DNAI4: variants seen among roughly 807,000 people sequenced by gnomAD.
DNAI4 encodes the protein WD repeat domain 78.
Under a neutral mutation model 105.8 loss-of-function variants are expected in DNAI4, and 85 were observed. The observed-to-expected ratio is 0.80, with a 90% CI of 0.67 to 0.96. DNAI4 has a LOEUF of 0.96. Among genes scored for constraint, DNAI4 ranks in the 40% least tolerant of loss-of-function variants. DNAI4 has a pLI of 0.00. For synonymous variants in DNAI4, 352 were observed against 331.5 expected, an observed-to-expected ratio of 1.06 and a Z score of -0.67; for missense variants, 1,014 against 1,005.6, an observed-to-expected ratio of 1.01 and a Z score of -0.11.
intron 7 of DNAI4, among the ~76,000 whole-genome samples, chr1:66,855,178 C>A (rs1218777682): frequency 6.6e-6 from 1 of 152,192 alleles, no homozygotes; most frequent in African/African-American, 2.4e-5. Context: ...ATCTGCTAAA[C>A]CCCAGAACCC....
intron 7 of DNAI4, among the ~76,000 whole-genome samples, chr1:66,855,217 A>G (rs1646475978): frequency 6.6e-6 from 1 of 152,230 alleles, no homozygotes; most frequent in African/African-American, 2.4e-5. Context: ...AGCCAATCCT[A>G]AACTTGCCTA....
At chr1:66,818,349 A>G (rs761481855) in intron 16 of DNAI4, among the ~76,000 whole-genome samples, 146 of 152,126 alleles carry the variant, frequency 9.6e-4, no homozygotes, top group Middle Eastern at 6.8e-3. Flanking sequence ...GTCCATAAGA[A>G]AATTGAAGTA....
intron 1 of DNAI4, among the ~76,000 whole-genome samples, chr1:66,922,333 T>C (rs56707923): frequency 0.78 from 118,018 of 151,478 alleles, 46,308 homozygotes; most frequent in East Asian, 0.88. Flanking sequence ...TTGACACAGT[T>C]ACCTAAAGGA....
intron 6 of DNAI4, among the ~76,000 whole-genome samples, chr1:66,868,177 T>C (rs1646771683): frequency 6.6e-6 from 1 of 152,220 alleles, no homozygotes; most frequent in African/African-American, 2.4e-5. Flanking sequence ...CCTTGAGGGT[T>C]CAAATTTATA....
intron 9 of DNAI4, among the ~76,000 whole-genome samples, chr1:66,838,684 A>C (rs929158728): frequency 1.3e-5 from 2 of 152,200 alleles, no homozygotes; most frequent in African/African-American, 4.8e-5. Flanking sequence ...TTTCAGGCCA[A>C]CGTAATCTCT....
At position 66,822,416 on chromosome 1, in the gene DNAI4, C is replaced by T; in HGVS notation, c.2441G>A (p.Gly814Glu). Residue 814 changes from glycine (G) to glutamate (E), a missense_variant, in exon 16 of 17, where the codon GGA becomes GAA. Gly to Glu is a moderately conservative substitution (Grantham distance 98, BLOSUM62 -2). Coordinates refer to ENST00000371026, the MANE Select transcript of DNAI4 (RefSeq NM_024763.5). The stretch of plus-strand genomic sequence containing the variant: ...TCTCAGTTCATACACAGAAACCTGT[C>T]CATCACTGTCTCCTACCAGAAGGCA... ...TDCLLVGDSD[G>E]QVSVYELRNM... 4 of 1,613,414 alleles carry T rather than the reference C, an allele frequency of 2.5e-6. No homozygotes were observed. The highest frequency in any genetic ancestry group is 2.5e-6 in the Non-Finnish European group (3 of 1,179,734).
intron 1 of DNAI4, among the ~76,000 whole-genome samples, chr1:66,916,826 C>T (rs558444511): frequency 6.6e-6 from 1 of 151,316 alleles, no homozygotes; most frequent in East Asian, 1.9e-4. Context: ...TGGCTTCATG[C>T]TGTTTTAATT....
chr1:66,840,430 A>G (rs1646124648), intron 9 of DNAI4, 39 bp downstream of exon 9: 2 of 1,562,940 alleles, frequency 1.3e-6, no homozygotes, highest in Non-Finnish European at 1.8e-6. Flanking sequence ...TTTCCCTTCA[A>G]TGCTAGAAAC....
intron 4 of DNAI4, among the ~76,000 whole-genome samples, chr1:66,884,323 T>C (rs1377664405): frequency 6.6e-6 from 1 of 152,218 alleles, no homozygotes; most frequent in African/African-American, 2.4e-5. Flanking sequence ...TTCAAATCTT[T>C]TGGGTAAATA....
At chr1:66,891,031 A>C (rs1394022229) in intron 4 of DNAI4, 123 bp downstream of exon 4, 1 of 815,134 alleles carries the variant, frequency 1.2e-6, no homozygotes, top group Non-Finnish European at 2.1e-6. Flanking sequence ...TCTTGAAGCG[A>C]CTTCACAAGC....
At position 66,814,164 on chromosome 1, in the gene DNAI4, G is replaced by A; in HGVS notation, c.2513C>T (p.Thr838Ile). Residue 838 changes from threonine (T) to isoleucine (I), a missense_variant, in exon 17 of 17, where the codon ACT (threonine) becomes ATT (isoleucine). Thr to Ile is a moderately conservative substitution (Grantham distance 89, BLOSUM62 -1). Transcript: ENST00000371026. Reference protein sequence around the residue: ...LETGRGDIMDTLLGSKSNQSA With the variant: ...LETGRGDIMDILLGSKSNQSA ...TTGGTTTGACTTGGATCCAAGCAAA[G>A]TATCCATTATATCTCCCTGAAAAAA... The A allele has an allele frequency of 6.3e-7, 1 of 1,590,394 alleles. No homozygotes were observed. The highest frequency in any genetic ancestry group is 2.2e-5 in the East Asian group (1 of 44,634).
chr1:66,874,132 G>A (rs1031682528), intron 5 of DNAI4, among the ~76,000 whole-genome samples: 36 of 151,540 alleles, frequency 2.4e-4, no homozygotes, highest in East Asian at 5.8e-4. Flanking sequence ...GGAGGAGAGC[G>A]GAACAAGAAA....
Position 66,813,012 on chromosome 1 carries a change from C to A in DNAI4, c.*1118G>T, listed in dbSNP as rs967968669. On this transcript the variant is annotated 3_prime_UTR_variant, in exon 17 of 17. Transcript: ENST00000371026. ...GTGGAAAATTTATAATCCTAATAAC[C>A]TGACCTAGGCTCTAAATCCATGTAA... The A allele has an allele frequency of 2.6e-5, 4 of 152,190 alleles. No homozygotes were observed. The highest frequency in any genetic ancestry group is 6.6e-5 in the Admixed American group (1 of 15,258). The allele number at this position is 152,190 out of a possible 1,614,324, so 9.4% of individuals were successfully genotyped here.
At chr1:66,823,215 A>G (rs1170346642) in intron 15 of DNAI4, among the ~76,000 whole-genome samples, 1 of 143,742 alleles carries the variant, frequency 7.0e-6, no homozygotes, top group Non-Finnish European at 1.5e-5. Flanking sequence ...AATTTCATCC[A>G]TGTCCCTACA....
At chr1:66,902,509 G>GT (rs1408996965) in intron 2 of DNAI4, among the ~76,000 whole-genome samples, 1 of 151,934 alleles carries the variant, frequency 6.6e-6, no homozygotes, top group African/African-American at 2.4e-5. Flanking sequence ...CCTGTGGGTT[G>GT]TTTTTTCACT....
chr1:66,853,886 A>G (rs1339041635), intron 7 of DNAI4, among the ~76,000 whole-genome samples: 2 of 152,244 alleles, frequency 1.3e-5, no homozygotes, highest in African/African-American at 4.8e-5. Context: ...AGCCAAAAAA[A>G]GGAAATAAAA....
At chr1:66,870,606 C>T (rs891372790) in intron 6 of DNAI4, among the ~76,000 whole-genome samples, 5 of 148,274 alleles carry the variant, frequency 3.4e-5, no homozygotes, top group South Asian at 2.1e-4. Context: ...AAAAATTCGC[C>T]GGGCATGATG....
At chr1:66,914,685 G>A (rs182918231) in intron 1 of DNAI4, among the ~76,000 whole-genome samples, 43 of 150,290 alleles carry the variant, frequency 2.9e-4, no homozygotes, top group Admixed American at 1.4e-3. Flanking sequence ...AGGTTATCAA[G>A]AATCAGAAAA....
chr1:66,905,917 A>AC (rs1335300525), intron 1 of DNAI4, among the ~76,000 whole-genome samples: 21 of 110,822 alleles, frequency 1.9e-4, no homozygotes, highest in African/African-American at 6.5e-4. Context: ...ATTATATACT[A>AC]CTTTTTTTTT....
Sources: gnomAD v4.1 joint callset for allele counts (sites outside exome capture counted in the v4.1 genomes callset) on GRCh38, gnomAD v4.1.1 for gene constraint, MANE v1.5 for transcripts, NCBI Gene and HGNC (gene_info 2026-07-23, HGNC 2026-07-21) for gene names.